Variants in PTPRD observed in about 807,000 individuals in gnomAD.
PTPRD encodes the protein protein tyrosine phosphatase receptor type D.
A neutral mutation model predicts 214.5 loss-of-function variants in PTPRD; 34 were observed. The ratio of observed to expected loss-of-function variants is 0.16; its 90% CI spans 0.12 to 0.21. PTPRD has a LOEUF of 0.21. PTPRD is among the 10% of genes least tolerant of loss of function. The pLI, the probability that PTPRD is intolerant of heterozygous loss-of-function variation, is 1.00. For synonymous variants in PTPRD, 1,128 were observed against 845.7 expected, an observed-to-expected ratio of 1.33 and a Z score of -5.79; for missense variants, 2,545 against 2,398.7, an observed-to-expected ratio of 1.06 and a Z score of -1.27.
intron 5 of PTPRD, among the ~76,000 whole-genome samples, chr9:9,903,428 C>A (rs1277988620): frequency 6.6e-6 from 1 of 152,016 alleles, no homozygotes; most frequent in Non-Finnish European, 1.5e-5. Flanking sequence ...AACAGTTTCA[C>A]AAGTTGGTGA....
At chr9:8,326,921 T>G (rs1412887295) in intron 44 of PTPRD, among the ~76,000 whole-genome samples, 1 of 147,370 alleles carries the variant, frequency 6.8e-6, no homozygotes, top group Non-Finnish European at 1.5e-5. Flanking sequence ...TGTCCTTTTT[T>G]ATTGTGTCTG....
intron 3 of PTPRD, among the ~76,000 whole-genome samples, chr9:10,070,730 T>C (rs974112679): frequency 6.6e-6 from 1 of 152,010 alleles, no homozygotes; most frequent in Non-Finnish European, 1.5e-5. Flanking sequence ...ATGTTTCTTG[T>C]TAAAATGAAA....
In PTPRD at chr9:10,167,121, CT is replaced by C. The variant is rs141695954; in HGVS notation, c.-544-133332del. On this transcript the variant is annotated intron_variant, in intron 3 of 45. Transcript: ENST00000381196. ...GGTGCTTAGACTTATAAAAGTAGAC[CT>C]TTTTTTTTTTTCATAACAAATCTAA... 4.3e-3 allele frequency among the ~76,000 whole-genome samples: 638 copies of C among 146,948 alleles called. 2 individuals carry two copies. Among genetic ancestry groups the C allele is most frequent in the African/African-American group, 0.013 (522 of 40,300 alleles).
chr9:9,042,495 A>G (rs2099643117), intron 10 of PTPRD, among the ~76,000 whole-genome samples: 1 of 152,180 alleles, frequency 6.6e-6, no homozygotes, highest in South Asian at 2.1e-4. Context: ...CACCAGAGAA[A>G]GGAGAAAAGA....
At chr9:8,334,276 T>A (rs1351402130) in intron 43 of PTPRD, among the ~76,000 whole-genome samples, 1 of 152,002 alleles carries the variant, frequency 6.6e-6, no homozygotes, top group African/African-American at 2.4e-5. Flanking sequence ...GACCACATAA[T>A]TGGAAGTAAA....
chr9:10,599,452 T>C (rs1784966087), intron 2 of PTPRD, among the ~76,000 whole-genome samples: 2 of 151,760 alleles, frequency 1.3e-5, no homozygotes. Context: ...CAGTGTAGCA[T>C]ATGGGTTAAC....
At chr9:9,956,045 C>T (rs1000674679) in intron 4 of PTPRD, among the ~76,000 whole-genome samples, 35 of 152,196 alleles carry the variant, frequency 2.3e-4, no homozygotes, top group Middle Eastern at 3.4e-3. Context: ...AACCCACTAA[C>T]TGTTGATCAC....
chr9:8,414,930 G>GGGGAGAGAGA (rs1491158344), intron 35 of PTPRD, among the ~76,000 whole-genome samples: 1 of 49,252 alleles, frequency 2.0e-5, no homozygotes, highest in African/African-American at 7.8e-5. Flanking sequence ...AGAGGGAGGG[G>GGGGAGAGAGA]GAGAGAGAGA....
At chr9:8,850,216 G>T (rs953700331) in intron 11 of PTPRD, among the ~76,000 whole-genome samples, 1 of 152,090 alleles carries the variant, frequency 6.6e-6, no homozygotes, top group Non-Finnish European at 1.5e-5. Context: ...AGAAATGCAC[G>T]TCTGGAACTC....
intron 10 of PTPRD, among the ~76,000 whole-genome samples, chr9:9,148,020 A>C (rs1319350219): frequency 6.6e-6 from 1 of 152,220 alleles, no homozygotes; most frequent in Non-Finnish European, 1.5e-5. Flanking sequence ...GAATGCAATA[A>C]GCAAAAATGA....
intron 11 of PTPRD, among the ~76,000 whole-genome samples, chr9:8,783,555 C>T (rs1390680868): frequency 6.6e-6 from 1 of 152,194 alleles, no homozygotes; most frequent in Non-Finnish European, 1.5e-5. Context: ...AGTTACATAA[C>T]TTGTCAACGG....
intron 8 of PTPRD, among the ~76,000 whole-genome samples, chr9:9,402,330 C>T (rs2070983964): frequency 6.6e-6 from 1 of 152,058 alleles, no homozygotes; most frequent in African/African-American, 2.4e-5. Flanking sequence ...GCCTTGGGAT[C>T]TCTAGGAGAA....
At chr9:8,905,605 G>A (rs1358941189) in intron 11 of PTPRD, among the ~76,000 whole-genome samples, 2 of 151,942 alleles carry the variant, frequency 1.3e-5, no homozygotes, top group African/African-American at 2.4e-5. Context: ...TGGGCATGGT[G>A]GCGAGTGCCT....
chr9:9,875,403 T>C (rs997295500), intron 5 of PTPRD, among the ~76,000 whole-genome samples: 1 of 152,122 alleles, frequency 6.6e-6, no homozygotes, highest in East Asian at 1.9e-4. Flanking sequence ...ACTTTAAAAA[T>C]ACAAAGGCTG....
At chr9:9,369,626 T>C (rs1159634484) in intron 9 of PTPRD, among the ~76,000 whole-genome samples, 1 of 152,126 alleles carries the variant, frequency 6.6e-6, no homozygotes, top group Non-Finnish European at 1.5e-5. Context: ...TAGATCCCAT[T>C]TGTCAATTTT....
At chr9:9,724,283 T>G (rs1174481144) in intron 7 of PTPRD, among the ~76,000 whole-genome samples, 1 of 152,136 alleles carries the variant, frequency 6.6e-6, no homozygotes, top group Non-Finnish European at 1.5e-5. Context: ...TTATCTTAGG[T>G]CAATATTTGA....
intron 11 of PTPRD, among the ~76,000 whole-genome samples, chr9:8,901,411 T>TA (rs1222397372): frequency 6.6e-6 from 1 of 152,242 alleles, no homozygotes; most frequent in African/African-American, 2.4e-5. Flanking sequence ...ATGATAATGG[T>TA]AAAAATGATA....
intron 2 of PTPRD, among the ~76,000 whole-genome samples, chr9:10,350,485 T>A (rs1037065442): frequency 5.9e-5 from 9 of 152,130 alleles, no homozygotes; most frequent in Admixed American, 5.9e-4. Context: ...AAATTAAGCA[T>A]TTACTTTGAG....
chr9:9,765,072 G>A (rs1408922007), intron 6 of PTPRD, among the ~76,000 whole-genome samples: 1 of 152,124 alleles, frequency 6.6e-6, no homozygotes, highest in East Asian at 1.9e-4. Context: ...CTGTCTGGCA[G>A]TGCACGTCAG....
Sources: allele counts gnomAD v4.1 joint callset (sites outside exome capture counted in the v4.1 genomes callset), GRCh38; gene constraint gnomAD v4.1.1; transcripts MANE v1.5; gene names NCBI Gene and HGNC (gene_info 2026-07-23, HGNC 2026-07-21).